The following ADAM12 variants were observed in gnomAD, a reference collection of about 807,000 sequenced individuals.
ADAM12 encodes the protein ADAM metallopeptidase domain 12.
Under a neutral mutation model 106.4 loss-of-function variants are expected in ADAM12, and 70 were observed. The ratio of observed to expected loss-of-function variants is 0.66; its 90% CI spans 0.54 to 0.80. The LOEUF is 0.80. Among genes scored for constraint, ADAM12 ranks in the 30% least tolerant of loss-of-function variants. The probability of loss-of-function intolerance (pLI) is 0.00; values close to 1 mark genes in which losing one functional copy is unlikely to be tolerated. For synonymous variants in ADAM12, 420 were observed against 433.5 expected, an observed-to-expected ratio of 0.97 and a Z score of 0.39; for missense variants, 1,010 against 1,171.9, an observed-to-expected ratio of 0.86 and a Z score of 2.02.
intron 2 of ADAM12, among the ~76,000 whole-genome samples, chr10:126,303,998 T>C (rs1351849431): frequency 2.0e-5 from 3 of 152,178 alleles, no homozygotes; most frequent in African/African-American, 7.2e-5. Flanking sequence ...TGAGCTGTAA[T>C]ACCTTAACAC....
rs538197296 is a variant in ADAM12 at position 126,105,296 on chromosome 10, C to T, written c.741+3297G>A. 1.8e-4 allele frequency among the ~76,000 whole-genome samples: 27 copies of T among 152,302 alleles called. 1 individual carries two copies. The South Asian group carries it at 5.6e-3, about 32-fold the overall frequency. On this transcript the variant is annotated intron_variant, in intron 8 of 22. Transcript: ENST00000448723. ...TGTGAAGAAATACAAACACAGAGGACCCAAACACATCCCTTTTTTAAAATG... is the reference window on the plus strand; with the variant it reads ...TGTGAAGAAATACAAACACAGAGGATCCAAACACATCCCTTTTTTAAAATG...
intron 14 of ADAM12, among the ~76,000 whole-genome samples, chr10:126,059,171 A>AT (rs36068446): frequency 6.6e-6 from 1 of 151,836 alleles, no homozygotes; most frequent in Non-Finnish European, 1.5e-5. Context: ...ATGTCATTAT[A>AT]TTTTTTTTGA....
At position 126,362,035 on chromosome 10, in the gene ADAM12, T is replaced by A. The variant is rs542102044; in HGVS notation, c.88+26023A>T. Among the ~76,000 whole-genome samples the A allele has an allele frequency of 3.9e-5, 6 of 152,288 alleles. No individual in the cohort carries two copies. In the South Asian group the frequency reaches 1.2e-3, roughly 32 times the overall value. ...GGAGAAAATATTTGCAAGCCATTCA[T>A]CTAATAGGAGTTAATATCCAAAATA... On this transcript the variant is annotated intron_variant, in intron 1 of 22. Transcript: ENST00000448723.
At chr10:126,130,000 A>T (rs2133660599) in intron 5 of ADAM12, among the ~76,000 whole-genome samples, 1 of 152,292 alleles carries the variant, frequency 6.6e-6, no homozygotes, top group East Asian at 1.9e-4. Flanking sequence ...TTTTTGAAGC[A>T]ATGTGGGATG....
intron 3 of ADAM12, among the ~76,000 whole-genome samples, chr10:126,252,127 T>A (rs1180410460): frequency 6.7e-6 from 1 of 148,660 alleles, no homozygotes; most frequent in South Asian, 2.2e-4. Context: ...GATGGATGGA[T>A]GGATGGACAG....
chr10:126,259,424 T>C (rs1958955830), intron 3 of ADAM12, among the ~76,000 whole-genome samples: 1 of 152,114 alleles, frequency 6.6e-6, no homozygotes, highest in South Asian at 2.1e-4. Flanking sequence ...AAAAGTCTCT[T>C]TTCAATATTT....
intron 1 of ADAM12, among the ~76,000 whole-genome samples, chr10:126,387,787 G>T (rs1209364685): frequency 6.6e-6 from 1 of 152,148 alleles, no homozygotes; most frequent in African/African-American, 2.4e-5. Context: ...ACCCAAGAGG[G>T]TGAGGACGGG....
intron 3 of ADAM12, among the ~76,000 whole-genome samples, chr10:126,242,814 T>G (rs2242388): frequency 0.18 from 27,615 of 152,074 alleles, 2,565 homozygotes; most frequent in South Asian, 0.21. Context: ...AGCTCTGGGT[T>G]CACATGGTGA....
At chr10:126,084,999 A>C (rs191233648) in intron 11 of ADAM12, among the ~76,000 whole-genome samples, 1 of 152,322 alleles carries the variant, frequency 6.6e-6, no homozygotes, top group Admixed American at 6.5e-5. Flanking sequence ...TGTAAACTGG[A>C]GAATGGTTCT....
chr10:126,302,400 T>C (rs1386926699), intron 2 of ADAM12, among the ~76,000 whole-genome samples: 2 of 152,210 alleles, frequency 1.3e-5, no homozygotes, highest in African/African-American at 4.8e-5. Flanking sequence ...AAAGTCAGCA[T>C]TTTTTAGAAA....
At chr10:126,250,305 A>T (rs1958719815) in intron 3 of ADAM12, among the ~76,000 whole-genome samples, 1 of 152,224 alleles carries the variant, frequency 6.6e-6, no homozygotes, top group South Asian at 2.1e-4. Context: ...AAGATTTGAG[A>T]ACAAACAGTG....
intron 3 of ADAM12, among the ~76,000 whole-genome samples, chr10:126,243,310 T>C (rs1169739496): frequency 6.6e-6 from 1 of 152,228 alleles, no homozygotes; most frequent in Non-Finnish European, 1.5e-5. Context: ...AAATTGATAA[T>C]AACTATGGAT....
At chr10:126,244,713 A>G (rs376191119) in intron 3 of ADAM12, among the ~76,000 whole-genome samples, 3 of 152,222 alleles carry the variant, frequency 2.0e-5, no homozygotes, top group East Asian at 3.9e-4. Context: ...GTATAAGCAG[A>G]CCTATTAATA....
intron 1 of ADAM12, among the ~76,000 whole-genome samples, chr10:126,341,582 A>C (rs1047503898): frequency 6.6e-5 from 10 of 152,230 alleles, no homozygotes; most frequent in Non-Finnish European, 1.5e-5. Flanking sequence ...TGCCAAGTCA[A>C]CCAGAGTCCT....
intron 2 of ADAM12, among the ~76,000 whole-genome samples, chr10:126,315,290 A>G (rs894912860): frequency 2.6e-5 from 4 of 152,116 alleles, no homozygotes; most frequent in Non-Finnish European, 4.4e-5. Context: ...TTTATAGGAA[A>G]AGATCTTTAA....
intron 3 of ADAM12, among the ~76,000 whole-genome samples, chr10:126,258,673 C>A (rs1958941352): frequency 6.6e-6 from 1 of 152,164 alleles, no homozygotes; most frequent in Non-Finnish European, 1.5e-5. Context: ...GCCTCCATGC[C>A]ACAAGCTCCT....
At chr10:126,321,330 G>A (rs1854087860) in intron 2 of ADAM12, among the ~76,000 whole-genome samples, 1 of 151,992 alleles carries the variant, frequency 6.6e-6, no homozygotes, top group Non-Finnish European at 1.5e-5. Context: ...CCAGTTTAAT[G>A]ATGATGACAG....
intron 1 of ADAM12, among the ~76,000 whole-genome samples, chr10:126,342,489 A>AT (rs879526515): frequency 1.5e-4 from 23 of 152,184 alleles, no homozygotes; most frequent in Middle Eastern, 3.4e-3. Context: ...TCTAATGAGA[A>AT]TTTTTTTTGT....
intron 2 of ADAM12, among the ~76,000 whole-genome samples, chr10:126,299,191 C>T (rs1198704575): frequency 6.6e-6 from 1 of 152,194 alleles, no homozygotes; most frequent in Admixed American, 6.5e-5. Flanking sequence ...TTAAACACAG[C>T]ACATATCCAC....
Sources: allele counts gnomAD v4.1 joint callset (sites outside exome capture counted in the v4.1 genomes callset), GRCh38; gene constraint gnomAD v4.1.1; transcripts MANE v1.5; gene names NCBI Gene and HGNC (gene_info 2026-07-23, HGNC 2026-07-21).